HDAC9: variants seen among roughly 807,000 people sequenced by gnomAD.
HDAC9 encodes the protein histone deacetylase 9, also known as MEF-2 interacting transcription repressor (MITR) protein.
In HDAC9, 41 loss-of-function variants were observed where a neutral mutation model predicts 139.4. That is an observed-to-expected ratio of 0.29 (90% confidence interval 0.23 to 0.38). The LOEUF (loss-of-function observed/expected upper bound fraction) is 0.38, where lower values mean the gene tolerates loss of function less well. HDAC9 is among the 10% of genes least tolerant of loss of function. HDAC9 has a pLI of 1.00. For synonymous variants in HDAC9, 517 were observed against 476.2 expected, an observed-to-expected ratio of 1.09 and a Z score of -1.12; for missense variants, 1,147 against 1,297.0, an observed-to-expected ratio of 0.88 and a Z score of 1.78.
chr7:18,623,545 A>G (rs986508189), intron 6 of HDAC9, among the ~76,000 whole-genome samples: 7 of 152,202 alleles, frequency 4.6e-5, no homozygotes, highest in African/African-American at 1.2e-4. Context: ...AGGTGAGCCA[A>G]GAACCAGGAT....
intron 6 of HDAC9, among the ~76,000 whole-genome samples, chr7:18,595,910 A>G (rs1221332127): frequency 6.6e-6 from 1 of 152,102 alleles, no homozygotes; most frequent in African/African-American, 2.4e-5. Context: ...AGAATAAATA[A>G]CAAGCTGTTA....
chr7:18,115,932 G>T (rs1478639090), intron 1 of HDAC9, among the ~76,000 whole-genome samples: 1 of 152,178 alleles, frequency 6.6e-6, no homozygotes, highest in Non-Finnish European at 1.5e-5. Context: ...ACACCATGTG[G>T]ACCCTAACCA....
At chr7:18,909,018 A>G (rs1428574920) in intron 22 of HDAC9, among the ~76,000 whole-genome samples, 2 of 151,994 alleles carry the variant, frequency 1.3e-5, no homozygotes, top group Non-Finnish European at 2.9e-5. Context: ...TGAACAGTGT[A>G]TAAGAGTTCA....
At chr7:18,657,064 G>A (rs866888300) in intron 11 of HDAC9, among the ~76,000 whole-genome samples, 1 of 152,004 alleles carries the variant, frequency 6.6e-6, no homozygotes, top group Non-Finnish European at 1.5e-5. Context: ...TTCATATGGT[G>A]TTGGCCATTT....
intron 21 of HDAC9, among the ~76,000 whole-genome samples, chr7:18,865,031 G>C (rs566781578): frequency 1.3e-5 from 2 of 152,300 alleles, no homozygotes; most frequent in African/African-American, 4.8e-5. Context: ...ACTGACCAGA[G>C]ACTCATGGGT....
chr7:18,388,825 A>G (rs1016592464), intron 1 of HDAC9, among the ~76,000 whole-genome samples: 6 of 152,162 alleles, frequency 3.9e-5, no homozygotes, highest in African/African-American at 1.2e-4. Context: ...TTGTTTTTCA[A>G]AGCTTTTATA....
intron 7 of HDAC9, among the ~76,000 whole-genome samples, chr7:18,634,333 GT>G (rs569172281): frequency 0.059 from 8,313 of 140,470 alleles, 474 homozygotes; most frequent in African/African-American, 0.16. Flanking sequence ...CCTTTCTTCA[GT>G]TTTTTTTTTT....
At chr7:18,665,966 A>C (rs1794746086) in intron 11 of HDAC9, among the ~76,000 whole-genome samples, 1 of 152,102 alleles carries the variant, frequency 6.6e-6, no homozygotes, top group Admixed American at 6.6e-5. Flanking sequence ...TGATCCATTA[A>C]AAAGAAAAAA....
At chr7:18,494,279 C>T (rs1229754852), upstream of HDAC9, among the ~76,000 whole-genome samples, 2 of 151,932 alleles carry the variant, frequency 1.3e-5, no homozygotes, top group Non-Finnish European at 2.9e-5. Flanking sequence ...CAGCAGTGGC[C>T]TATTTGATGA....
chr7:18,125,432 C>CGT (rs10647409), intron 1 of HDAC9, among the ~76,000 whole-genome samples: 26,235 of 142,538 alleles, frequency 0.18, 2,860 homozygotes, highest in Non-Finnish European at 0.24. Flanking sequence ...TATATATATG[C>CGT]GTGTGTGTGT....
rs191832102 is a variant in HDAC9 at position 18,685,745 on chromosome 7, A to T, written c.1731+19269A>T. ...TGGGGTGAGATGGAAGAAACATTCTATGCGACAGAGTTTTTGATATTCCTC... is the reference window on the plus strand; with the variant it reads ...TGGGGTGAGATGGAAGAAACATTCTTTGCGACAGAGTTTTTGATATTCCTC... On this transcript the variant is annotated intron_variant, in intron 12 of 25. Transcript: ENST00000686413. 4.2e-3 allele frequency among the ~76,000 whole-genome samples: 641 copies of T among 152,070 alleles called. 3 individuals carry two copies. The highest frequency in any genetic ancestry group is 4.8e-3 in the Non-Finnish European group (327 of 67,952).
At chr7:18,388,426 AGAG>A (rs1307478769) in intron 1 of HDAC9, among the ~76,000 whole-genome samples, 6 of 152,204 alleles carry the variant, frequency 3.9e-5, no homozygotes, top group Non-Finnish European at 8.8e-5. Flanking sequence ...CTGTGAGGAT[AGAG>A]GAGAAGGGAA....
upstream of HDAC9, among the ~76,000 whole-genome samples, chr7:18,491,779 C>T (rs749587497): frequency 1.3e-5 from 2 of 151,922 alleles, no homozygotes; most frequent in African/African-American, 2.4e-5. Flanking sequence ...GAAACCAGTT[C>T]ACCTCCTGTG....
chr7:18,509,972 T>C (rs775993710), intron 2 of HDAC9, among the ~76,000 whole-genome samples: 1 of 152,220 alleles, frequency 6.6e-6, no homozygotes, highest in Non-Finnish European at 1.5e-5. Context: ...TTTAGATAAA[T>C]GAATGATTAA....
At chr7:18,559,820 ATAT>A (rs757435875) in intron 2 of HDAC9, among the ~76,000 whole-genome samples, 1 of 152,172 alleles carries the variant, frequency 6.6e-6, no homozygotes, top group East Asian at 1.9e-4. Flanking sequence ...TAATCCTCAA[ATAT>A]TATATTCTAA....
At chr7:18,221,722 T>C (rs1305000705) in intron 2 of HDAC9, among the ~76,000 whole-genome samples, 9 of 152,294 alleles carry the variant, frequency 5.9e-5, no homozygotes, top group Non-Finnish European at 2.9e-5. Flanking sequence ...GTTAATTTTT[T>C]TTTTATGCCT....
chr7:18,940,883 G>A (rs1781980036), intron 23 of HDAC9, among the ~76,000 whole-genome samples: 1 of 152,098 alleles, frequency 6.6e-6, no homozygotes, highest in Non-Finnish European at 1.5e-5. Flanking sequence ...CTTCAAGCAA[G>A]TCAAAGAAAG....
At chr7:18,322,083 C>T (rs1800070335) in intron 1 of HDAC9, among the ~76,000 whole-genome samples, 1 of 152,106 alleles carries the variant, frequency 6.6e-6, no homozygotes, top group South Asian at 2.1e-4. Context: ...TGAACCATCT[C>T]CTGACAATAA....
chr7:18,519,186 T>C (rs1421065500), intron 2 of HDAC9, among the ~76,000 whole-genome samples: 1 of 152,224 alleles, frequency 6.6e-6, no homozygotes, highest in Non-Finnish European at 1.5e-5. Context: ...ATTAATGAGC[T>C]TATGTGATGT....
Sources: gnomAD v4.1 joint callset for allele counts (sites outside exome capture counted in the v4.1 genomes callset) on GRCh38, gnomAD v4.1.1 for gene constraint, MANE v1.5 for transcripts, NCBI Gene and HGNC (gene_info 2026-07-23, HGNC 2026-07-21) for gene names.